The following TBC1D8B variants were observed in gnomAD, a reference collection of about 807,000 sequenced individuals.
The protein encoded by TBC1D8B is TBC1 domain family member 8B.
TBC1D8B carries 75 observed loss-of-function variants against 82.9 expected under a neutral mutation model. The ratio of observed to expected loss-of-function variants is 0.90; its 90% CI spans 0.75 to 1.10. TBC1D8B has a LOEUF of 1.10. Among genes scored for constraint, TBC1D8B ranks in the 50% least tolerant of loss-of-function variants. The pLI is 0.00. For missense variants in TBC1D8B, 794 were observed against 796.9 expected (o/e 1.00, Z 0.04); for synonymous variants, 276 against 276.8 (o/e 1.00, Z 0.03).
chrX:106,831,503 A>G (rs1160506472), intron 7 of TBC1D8B, among the ~76,000 whole-genome samples: 2 of 111,112 alleles, frequency 1.8e-5, no homozygotes, highest in African/African-American at 3.3e-5. Context: ...TTCTCTCCCA[A>G]TGCTCCCAAA....
At chrX:106,840,641 G>A (rs775590236) in intron 9 of TBC1D8B, 29 bp from the exon 10 acceptor site, 33 of 1,146,013 alleles carry the variant, frequency 2.9e-5, no homozygotes, top group Non-Finnish European at 3.9e-5. Context: ...TCCACCTTCT[G>A]TTGTATGTTA....
intron 7 of TBC1D8B, among the ~76,000 whole-genome samples, chrX:106,831,847 T>A (rs1177059031): frequency 9.0e-6 from 1 of 111,541 alleles, no homozygotes; most frequent in East Asian, 2.8e-4. Flanking sequence ...TATGTATTTT[T>A]AAATTGCCAT....
At chrX:106,851,083 C>A (rs1932575612) in intron 12 of TBC1D8B, among the ~76,000 whole-genome samples, 1 of 112,047 alleles carries the variant, frequency 8.9e-6, no homozygotes, top group Non-Finnish European at 1.9e-5. Context: ...TCCTAATGCT[C>A]AACCATCTTC....
chrX:106,840,348 A>G (rs1005532635), intron 9 of TBC1D8B, 150 bp downstream of exon 9: 9 of 589,497 alleles, frequency 1.5e-5, no homozygotes, highest in African/African-American at 9.3e-5. Context: ...AAGAAAGGTA[A>G]GTAGTTATCT....
At chrX:106,843,183 T>C (rs1469987504) in intron 10 of TBC1D8B, among the ~76,000 whole-genome samples, 1 of 111,282 alleles carries the variant, frequency 9.0e-6, no homozygotes, top group Non-Finnish European at 1.9e-5. Context: ...GACATTGCTT[T>C]ATTATTCTTG....
intron 1 of TBC1D8B, among the ~76,000 whole-genome samples, chrX:106,810,457 G>A (rs954200673): frequency 1.8e-5 from 2 of 111,909 alleles, no homozygotes; most frequent in Non-Finnish European, 3.8e-5. Flanking sequence ...TTATTAAAGA[G>A]CAATGTCTTA....
intron 20 of TBC1D8B, among the ~76,000 whole-genome samples, chrX:106,873,284 A>C (rs1048194640): frequency 2.7e-5 from 3 of 110,916 alleles, no homozygotes; most frequent in African/African-American, 9.8e-5. Flanking sequence ...TTTTTAGTAG[A>C]GGTTTCACCA....
At position 106,874,224 on chromosome X, in the gene TBC1D8B, A is replaced by G. The variant is rs915486106; in HGVS notation, c.*259A>G. ...ATTTTGATGATATTCTCAAATACAA[A>G]TATACTTTTTTATATTTCACAATAT... On this transcript the variant is annotated 3_prime_UTR_variant, in exon 21 of 21. Coordinates refer to ENST00000357242, the MANE Select transcript of TBC1D8B (RefSeq NM_017752.3). 8.2e-6 allele frequency: 2 copies of G among 243,146 alleles called. No homozygotes were observed. The highest frequency in any genetic ancestry group is 2.8e-5 in the African/African-American group (1 of 35,301). 20.0% of individuals were successfully genotyped at this position (243,146 alleles called of 1,213,427 possible).
chrX:106,831,070 C>T (rs1213785710), intron 7 of TBC1D8B, among the ~76,000 whole-genome samples: 1 of 110,812 alleles, frequency 9.0e-6, no homozygotes, highest in African/African-American at 3.3e-5. Flanking sequence ...TTTTCTTTTA[C>T]AATGTCCAGG....
chrX:106,862,776 G>GTTT (rs1181091591), intron 14 of TBC1D8B, among the ~76,000 whole-genome samples: 1 of 37,297 alleles, frequency 2.7e-5, no homozygotes, highest in Non-Finnish European at 4.4e-5. Context: ...GTTTTTTTTT[G>GTTT]TTTTTTTTTT....
At position 106,872,697 on chromosome X, in the gene TBC1D8B, G is replaced by A. The variant is rs145845506; in HGVS notation, c.2968-873G>A. Among the ~76,000 whole-genome samples the A allele has an allele frequency of 8.2e-3, 899 of 110,199 alleles. 11 individuals are homozygous for A. Among genetic ancestry groups the A allele is most frequent in the African/African-American group, 0.028 (838 of 30,060 alleles). On this transcript the variant is annotated intron_variant, in intron 20 of 20. Transcript: ENST00000357242. ...TAGAAGTACCACCTGGCCAGGCGCAGTGGCTCATGCCTGTAATCTGAGTGC... is the reference window on the plus strand; with the variant it reads ...TAGAAGTACCACCTGGCCAGGCGCAATGGCTCATGCCTGTAATCTGAGTGC...
rs779296924 is a variant in TBC1D8B at position 106,844,476 on chromosome X, C to CATAT, written c.1719+3606_1719+3609dup. 1.9e-3 allele frequency among the ~76,000 whole-genome samples: 188 copies of CATAT among 100,583 alleles called. 3 individuals are homozygous for CATAT. Among genetic ancestry groups the CATAT allele is most frequent in the African/African-American group, 6.7e-3 (185 of 27,704 alleles). The allele number at this position is 100,583 out of a possible 115,157, so 87.3% of individuals were successfully genotyped here. A position where few individuals can be genotyped will look rare whatever the true frequency, so the allele number is the denominator to read the frequency against. ...ATTGAGATGATCATGTTATTTTTTC[C>CATAT]ATATATATATATATATAAACATATA... On this transcript the variant is annotated intron_variant, in intron 10 of 20. Transcript: ENST00000357242.
intron 10 of TBC1D8B, among the ~76,000 whole-genome samples, chrX:106,847,745 A>C (rs1296767636): frequency 2.7e-5 from 3 of 111,728 alleles, no homozygotes. Flanking sequence ...AGGGGAAAGA[A>C]GATATTCAGT....
rs1466277183 is a variant in TBC1D8B, at chrX:106,802,966, G to T, written c.113G>T (p.Gly38Val). ...LQRRRGYGEE[G>V]GGGLTGLLVG... Reference sequence around the variant, plus strand: ...CGGCGTCGGGGCTACGGGGAGGAAGGCGGAGGGGGGCTCACAGGTAAGCTG... The same window carrying T: ...CGGCGTCGGGGCTACGGGGAGGAAGTCGGAGGGGGGCTCACAGGTAAGCTG... The change falls in exon 1 of 21, where the codon GGC (glycine) becomes GTC (valine). Residue 38 changes from glycine (G) to valine (V), a missense_variant. Gly to Val is a moderately radical substitution (Grantham distance 109). Transcript: ENST00000357242. 1.7e-6 allele frequency: 2 copies of T among 1,205,271 alleles called. No individual in the cohort carries two copies. Among genetic ancestry groups the T allele is most frequent in the African/African-American group, 1.7e-5 (1 of 57,192 alleles).
intron 10 of TBC1D8B, among the ~76,000 whole-genome samples, chrX:106,842,479 T>A (rs1932331060): frequency 9.0e-6 from 1 of 110,913 alleles, no homozygotes; most frequent in East Asian, 2.8e-4. Context: ...AAAGTAAATT[T>A]GTATGGCACA....
At chrX:106,862,836 A>ATTGTGGAT (rs1242011102) in intron 14 of TBC1D8B, among the ~76,000 whole-genome samples, 3 of 71,470 alleles carry the variant, frequency 4.2e-5, no homozygotes, top group African/African-American at 1.8e-4. Flanking sequence ...TGGGGGTTTG[A>ATTGTGGAT]TTGTGGATTC....
At chrX:106,815,842 C>A (rs983963803) in intron 1 of TBC1D8B, 1 of 111,660 alleles carries the variant, frequency 9.0e-6, no homozygotes, top group African/African-American at 3.3e-5. Flanking sequence ...CAGAAAAGGC[C>A]TTTGACAAAA....
intron 12 of TBC1D8B, among the ~76,000 whole-genome samples, chrX:106,852,734 G>A (rs1343473908): frequency 1.1e-4 from 12 of 109,422 alleles, no homozygotes; most frequent in East Asian, 2.9e-4. Flanking sequence ...GTAGATATGC[G>A]GCATTATTTC....
At chrX:106,836,962 T>A (rs773334207) in intron 7 of TBC1D8B, among the ~76,000 whole-genome samples, 2 of 111,494 alleles carry the variant, frequency 1.8e-5, no homozygotes, top group South Asian at 7.5e-4. Flanking sequence ...CAACAAATGG[T>A]GCTGAAACAA....
Sources: gnomAD v4.1 joint callset for allele counts (sites outside exome capture counted in the v4.1 genomes callset) on GRCh38, gnomAD v4.1.1 for gene constraint, MANE v1.5 for transcripts, NCBI Gene and HGNC (gene_info 2026-07-23, HGNC 2026-07-21) for gene names.